The following LGR4 variants were observed in gnomAD, a reference collection of about 807,000 sequenced individuals.
LGR4 encodes leucine-rich repeat-containing G protein-coupled receptor 4.
Under a neutral mutation model 84.8 loss-of-function variants are expected in LGR4, and 44 were observed. That is an observed-to-expected ratio of 0.52 (90% CI 0.41 to 0.67). LGR4 has a LOEUF of 0.67. LGR4 is among the 30% of genes least tolerant of loss of function. The probability of loss-of-function intolerance (pLI) is 0.00; values close to 1 mark genes in which losing one functional copy is unlikely to be tolerated. For missense variants in LGR4, 1,032 were observed against 1,131.4 expected, an observed-to-expected ratio of 0.91 and a Z score of 1.26; for synonymous variants, 429 against 434.3, an observed-to-expected ratio of 0.99 and a Z score of 0.15.
chr11:27,472,404 G>A lies in LGR4; in HGVS notation c.-102C>T. The A allele has an allele frequency of 2.1e-6, 2 of 961,344 alleles. No individual in the cohort carries two copies. The highest frequency in any genetic ancestry group is 2.7e-6 in the Non-Finnish European group (2 of 748,414). 59.6% of individuals were successfully genotyped at this position (961,344 alleles called of 1,614,324 possible). ...CCGGGCAGCCGGCCTGCGGGCTGGA[G>A]CGGGGGTCTCTTCCTCGGCGGTCCG... On this transcript the variant is annotated 5_prime_UTR_variant, in exon 1 of 18. Transcript: ENST00000379214.
At chr11:27,372,244 T>A (rs778337599) in intron 16 of LGR4, 39 bp downstream of exon 16, 2 of 1,139,350 alleles carry the variant, frequency 1.8e-6, no homozygotes, top group Non-Finnish European at 2.7e-6. Context: ...AATCAATGCC[T>A]TAAAGGAGTG....
At chr11:27,416,493 T>C (rs565950462) in intron 1 of LGR4, among the ~76,000 whole-genome samples, 2 of 152,276 alleles carry the variant, frequency 1.3e-5, no homozygotes, top group South Asian at 4.1e-4. Flanking sequence ...CTGGAAGCCA[T>C]CTGAATCCAG....
At chr11:27,436,434 C>G (rs1326435949) in intron 1 of LGR4, among the ~76,000 whole-genome samples, 1 of 151,300 alleles carries the variant, frequency 6.6e-6, no homozygotes, top group Non-Finnish European at 1.5e-5. Flanking sequence ...AAGAAACTGT[C>G]AGGCACTAAT....
chr11:27,399,581 G>A (rs143928921), intron 2 of LGR4, among the ~76,000 whole-genome samples: 1,982 of 151,310 alleles, frequency 0.013, 46 homozygotes, highest in African/African-American at 0.046. Context: ...GTGCAGTGGC[G>A]TGATCTCTGC....
intron 1 of LGR4, among the ~76,000 whole-genome samples, chr11:27,434,464 A>G (rs1864172472): frequency 6.6e-6 from 1 of 152,216 alleles, no homozygotes; most frequent in African/African-American, 2.4e-5. Context: ...TTACATACCC[A>G]AAGTAAAATA....
At chr11:27,428,623 G>A (rs544270747) in intron 1 of LGR4, among the ~76,000 whole-genome samples, 1 of 152,194 alleles carries the variant, frequency 6.6e-6, no homozygotes, top group East Asian at 1.9e-4. Context: ...AACCAATACA[G>A]CAGCACAAGG....
chr11:27,451,136 CT>C (rs1416977137), intron 1 of LGR4, among the ~76,000 whole-genome samples: 1 of 152,144 alleles, frequency 6.6e-6, no homozygotes, highest in African/African-American at 2.4e-5. Flanking sequence ...AAAGAGTCAA[CT>C]TTTATTTCCA....
At chr11:27,438,022 A>AG (rs1398029889) in intron 1 of LGR4, among the ~76,000 whole-genome samples, 2 of 152,064 alleles carry the variant, frequency 1.3e-5, no homozygotes, top group Non-Finnish European at 2.9e-5. Flanking sequence ...CACCCGCCCC[A>AG]GGAAAAAAAA....
At chr11:27,427,382 AG>A (rs1326989275) in intron 1 of LGR4, among the ~76,000 whole-genome samples, 1 of 152,166 alleles carries the variant, frequency 6.6e-6, no homozygotes. Context: ...GCTGGCATGA[AG>A]GTAGAGTCTA....
intron 7 of LGR4, 64 bp from the exon 8 acceptor site, chr11:27,381,030 T>C (rs1863083709): frequency 1.2e-6 from 1 of 842,938 alleles, no homozygotes; most frequent in Non-Finnish European, 2.0e-6. Context: ...AACCCAAGTA[T>C]CTACTGCTGT....
chr11:27,374,518 T>G (rs1475750432), intron 13 of LGR4, among the ~76,000 whole-genome samples: 2 of 152,126 alleles, frequency 1.3e-5, no homozygotes, highest in Admixed American at 1.3e-4. Flanking sequence ...GATACCCTTC[T>G]TTTCCTAAGC....
chr11:27,376,426 G>A, intron 12 of LGR4, 56 bp from the exon 13 acceptor site: 2 of 890,974 alleles, frequency 2.2e-6, no homozygotes, highest in Non-Finnish European at 3.5e-6. Context: ...AAGAGAACAG[G>A]AGGAGGAGGA....
intron 1 of LGR4, among the ~76,000 whole-genome samples, chr11:27,451,124 T>C (rs1864474477): frequency 6.6e-6 from 1 of 152,190 alleles, no homozygotes; most frequent in Non-Finnish European, 1.5e-5. Flanking sequence ...AAACTAAAGT[T>C]TAAAGAGTCA....
intron 1 of LGR4, among the ~76,000 whole-genome samples, chr11:27,470,636 T>C (rs892027926): frequency 5.3e-5 from 8 of 151,796 alleles, no homozygotes; most frequent in East Asian, 1.9e-4. Flanking sequence ...TCCCACTTAA[T>C]GTAACTTTAT....
chr11:27,441,987 T>C (rs1864312491), intron 1 of LGR4, among the ~76,000 whole-genome samples: 1 of 151,956 alleles, frequency 6.6e-6, no homozygotes, highest in South Asian at 2.1e-4. Context: ...AGATTGTGAG[T>C]TAAGATGAAA....
At chr11:27,443,932 T>C (rs1305783837) in intron 1 of LGR4, among the ~76,000 whole-genome samples, 2 of 152,184 alleles carry the variant, frequency 1.3e-5, no homozygotes, top group African/African-American at 4.8e-5. Flanking sequence ...CTCCAATGGA[T>C]GGTCAGCTAG....
At chr11:27,392,395 G>A (rs182309358) in intron 3 of LGR4, 52 bp downstream of exon 3, 54 of 1,376,868 alleles carry the variant, frequency 3.9e-5, no homozygotes, top group Middle Eastern at 1.8e-4. Context: ...TGTTGACTAC[G>A]CAGAAAGAAA....
At position 27,448,355 on chromosome 11, in the gene LGR4, T is replaced by C. The variant is rs192396774; in HGVS notation, c.185+23763A>G. 2.6e-3 allele frequency among the ~76,000 whole-genome samples: 395 copies of C among 151,648 alleles called. 2 individuals are homozygous for C. The highest frequency in any genetic ancestry group is 4.4e-3 in the Non-Finnish European group (298 of 67,880). On this transcript the variant is annotated intron_variant, in intron 1 of 17. Transcript: ENST00000379214. ...TTGCCCAGGCTGGAGTGCAATGGTG[T>C]GATCTCAGCTCACCACAAGCTCCGC...
At chr11:27,430,258 G>A (rs1864094023) in intron 1 of LGR4, among the ~76,000 whole-genome samples, 1 of 152,020 alleles carries the variant, frequency 6.6e-6, no homozygotes, top group African/African-American at 2.4e-5. Flanking sequence ...ATGCTTATAT[G>A]CAGTCTTTTA....
Sources: allele counts gnomAD v4.1 joint callset (sites outside exome capture counted in the v4.1 genomes callset), GRCh38; gene constraint gnomAD v4.1.1; transcripts MANE v1.5; gene names NCBI Gene and HGNC (gene_info 2026-07-23, HGNC 2026-07-21).